Variants in KCTD8 observed in about 807,000 individuals in gnomAD.
KCTD8 encodes potassium channel tetramerization domain containing 8, also known as BTB/POZ domain-containing protein KCTD8.
A neutral mutation model predicts 31.5 loss-of-function variants in KCTD8; 27 were observed. The ratio of observed to expected loss-of-function variants is 0.86; its 90% CI spans 0.63 to 1.18. The LOEUF is 1.18. Ranked by LOEUF, KCTD8 falls within the 50% of genes most tolerant of loss-of-function variation. The pLI is 0.00. For synonymous variants in KCTD8, 290 were observed against 280.0 expected, an observed-to-expected ratio of 1.04 and a Z score of -0.36; for missense variants, 658 against 647.7, an observed-to-expected ratio of 1.02 and a Z score of -0.17.
chr4:44,317,827 A>G (rs1479486235), intron 1 of KCTD8, among the ~76,000 whole-genome samples: 2 of 152,186 alleles, frequency 1.3e-5, no homozygotes, highest in African/African-American at 4.8e-5. Flanking sequence ...TCTCACTCTA[A>G]TACTCACTAG....
intron 1 of KCTD8, among the ~76,000 whole-genome samples, chr4:44,329,268 C>G (rs1370039721): frequency 6.6e-6 from 1 of 150,614 alleles, no homozygotes; most frequent in Non-Finnish European, 1.5e-5. Flanking sequence ...AATCTAATTA[C>G]TTGCATTTTT....
At chr4:44,400,703 T>G (rs1314122230) in intron 1 of KCTD8, among the ~76,000 whole-genome samples, 2 of 124,096 alleles carry the variant, frequency 1.6e-5, no homozygotes, top group African/African-American at 6.2e-5. Context: ...GACTCCAGCC[T>G]GGGGGACAGA....
intron 1 of KCTD8, among the ~76,000 whole-genome samples, chr4:44,400,555 C>G (rs1268714555): frequency 6.6e-6 from 1 of 151,552 alleles, no homozygotes; most frequent in Non-Finnish European, 1.5e-5. Context: ...ATGGCGAAAC[C>G]CTGCCTCAAC....
At chr4:44,378,732 T>C (rs1004176042) in intron 1 of KCTD8, among the ~76,000 whole-genome samples, 2 of 152,038 alleles carry the variant, frequency 1.3e-5, no homozygotes, top group African/African-American at 4.8e-5. Flanking sequence ...GATTTGGGGG[T>C]TGTATTAGTT....
intron 1 of KCTD8, among the ~76,000 whole-genome samples, chr4:44,195,906 T>C (rs1713927196): frequency 6.6e-6 from 1 of 152,086 alleles, no homozygotes; most frequent in Non-Finnish European, 1.5e-5. Context: ...AACTACCTAC[T>C]AGAATAATAA....
chr4:44,344,522 C>T (rs1718990198), intron 1 of KCTD8, among the ~76,000 whole-genome samples: 1 of 152,164 alleles, frequency 6.6e-6, no homozygotes, highest in Non-Finnish European at 1.5e-5. Flanking sequence ...TTTCTCCACT[C>T]AAACTACTAT....
At chr4:44,429,964 T>C (rs1241260336) in intron 1 of KCTD8, among the ~76,000 whole-genome samples, 1 of 151,554 alleles carries the variant, frequency 6.6e-6, no homozygotes, top group Non-Finnish European at 1.5e-5. Flanking sequence ...TCCTTTCCTC[T>C]GTCAAGAAAA....
At chr4:44,223,100 T>A (rs918931388) in intron 1 of KCTD8, among the ~76,000 whole-genome samples, 3 of 152,180 alleles carry the variant, frequency 2.0e-5, no homozygotes, top group Non-Finnish European at 4.4e-5. Context: ...TGAAAAATGA[T>A]AGTAGAGTGA....
chr4:44,403,425 A>T (rs1254731689), intron 1 of KCTD8, among the ~76,000 whole-genome samples: 1 of 31,814 alleles, frequency 3.1e-5, no homozygotes, highest in Non-Finnish European at 1.2e-4. Flanking sequence ...TAGGGCTACC[A>T]TTAAAAAAAA....
intron 1 of KCTD8, among the ~76,000 whole-genome samples, chr4:44,445,708 G>C (rs1023980236): frequency 6.6e-6 from 1 of 152,114 alleles, no homozygotes. Flanking sequence ...TCAGAAAACT[G>C]TGCAGAACAT....
At position 44,246,422 on chromosome 4, in the gene KCTD8, A is replaced by G. The variant is rs1577573273; in HGVS notation, c.962-71172T>C. ...TACGGTTTTTAACCCACTGTTTTCC[A>G]TCTCTTCAAGGAATATGCTCCATTG... On this transcript the variant is annotated intron_variant, in intron 1 of 1. Transcript: ENST00000360029. Among the ~76,000 whole-genome samples the G allele has an allele frequency of 2.6e-5, 4 of 151,828 alleles. No individual in the cohort carries two copies. The South Asian group carries it at 8.3e-4, about 31-fold the overall frequency.
chr4:44,247,430 A>G (rs996134918), intron 1 of KCTD8, among the ~76,000 whole-genome samples: 4 of 151,690 alleles, frequency 2.6e-5, no homozygotes, highest in African/African-American at 9.7e-5. Context: ...TTTACGGGCT[A>G]TTACAATTAG....
intron 1 of KCTD8, among the ~76,000 whole-genome samples, chr4:44,206,820 T>A (rs1440253985): frequency 6.6e-6 from 1 of 152,198 alleles, no homozygotes; most frequent in Non-Finnish European, 1.5e-5. Context: ...CTCCCAGTGA[T>A]CAGTGTTTTC....
intron 1 of KCTD8, among the ~76,000 whole-genome samples, chr4:44,175,925 T>C (rs1713199955): frequency 6.6e-6 from 1 of 152,212 alleles, no homozygotes; most frequent in Non-Finnish European, 1.5e-5. Flanking sequence ...TCTCTTAAAA[T>C]ATAAGGCCTA....
intron 1 of KCTD8, among the ~76,000 whole-genome samples, chr4:44,413,450 T>C (rs1286629665): frequency 3.3e-5 from 5 of 152,168 alleles, no homozygotes; most frequent in Non-Finnish European, 1.5e-5. Flanking sequence ...CCCTGTTATC[T>C]ATTATTGGTA....
chr4:44,391,771 G>C (rs1436814563), intron 1 of KCTD8, among the ~76,000 whole-genome samples: 1 of 151,648 alleles, frequency 6.6e-6, no homozygotes, highest in Non-Finnish European at 1.5e-5. Context: ...ATTTTTAAAG[G>C]GTCAACTGTA....
chr4:44,230,890 A>G (rs1439126631), intron 1 of KCTD8, among the ~76,000 whole-genome samples: 1 of 152,172 alleles, frequency 6.6e-6, no homozygotes, highest in Non-Finnish European at 1.5e-5. Flanking sequence ...GGGAATATCC[A>G]GATTCTCAAG....
intron 1 of KCTD8, among the ~76,000 whole-genome samples, chr4:44,204,633 G>A (rs995094688): frequency 2.0e-5 from 3 of 152,042 alleles, no homozygotes; most frequent in Admixed American, 6.6e-5. Context: ...GATGCTCCTC[G>A]CCAAATAAAG....
chr4:44,447,913 T>C lies in KCTD8; in HGVS notation c.611A>G (p.Lys204Arg), dbSNP rs1721988411. ...GGGGGGGAQDKRSGFLTLGYR... is the reference protein window; with the variant it reads ...GGGGGGGAQDRRSGFLTLGYR... ...GCCCAGCGTGAGGAAGCCCGAGCGCTTGTCCTGCGCGCCGCCGCCGCCGCC... is the reference window on the plus strand; with the variant it reads ...GCCCAGCGTGAGGAAGCCCGAGCGCCTGTCCTGCGCGCCGCCGCCGCCGCC... The change falls in exon 1 of 2, where the codon AAG becomes AGG. Residue 204 changes from lysine (K) to arginine (R), a missense_variant. Transcript: ENST00000360029. 4 of 1,476,762 alleles carry C rather than the reference T, an allele frequency of 2.7e-6. No homozygotes were observed. Among genetic ancestry groups the C allele is most frequent in the Non-Finnish European group, 3.6e-6 (4 of 1,111,496 alleles). The allele number at this position is 1,476,762 out of a possible 1,614,324, so 91.5% of individuals were successfully genotyped here.
Sources: allele counts gnomAD v4.1 joint callset (sites outside exome capture counted in the v4.1 genomes callset), GRCh38; gene constraint gnomAD v4.1.1; transcripts MANE v1.5; gene names NCBI Gene and HGNC (gene_info 2026-07-23, HGNC 2026-07-21).